The following ADAM7 variants were observed in gnomAD, a reference collection of about 807,000 sequenced individuals.
ADAM7 encodes ADAM metallopeptidase domain 7.
Under a neutral mutation model 102.9 loss-of-function variants are expected in ADAM7, and 97 were observed. The ratio of observed to expected loss-of-function variants is 0.94; its 90% CI spans 0.80 to 1.12. The LOEUF is 1.12. Among genes scored for constraint, ADAM7 ranks in the 50% most tolerant of loss-of-function variants. ADAM7 has a pLI of 0.00. For synonymous variants in ADAM7, 334 were observed against 304.4 expected (o/e 1.10, Z -1.01); for missense variants, 991 against 908.7 (o/e 1.09, Z -1.16).
chr8:24,468,949 C>T (rs1314063919), intron 7 of ADAM7, 129 bp downstream of exon 7: 25 of 803,586 alleles, frequency 3.1e-5, no homozygotes, highest in Non-Finnish European at 4.0e-5. Context: ...TTTTAGCTTC[C>T]CAAAACAGAC....
chr8:24,458,146 T>C (rs1819107260), intron 3 of ADAM7, among the ~76,000 whole-genome samples: 1 of 152,160 alleles, frequency 6.6e-6, no homozygotes, highest in Non-Finnish European at 1.5e-5. Flanking sequence ...TAATCAGAAT[T>C]GTTTATTTAT....
chr8:24,457,813 T>C (rs1047281228), intron 3 of ADAM7, among the ~76,000 whole-genome samples: 2 of 152,110 alleles, frequency 1.3e-5, no homozygotes, highest in African/African-American at 4.8e-5. Flanking sequence ...TTTTAGCTTT[T>C]AGTTTTGGTC....
chr8:24,452,916 G>GC (rs1290024098), intron 3 of ADAM7, among the ~76,000 whole-genome samples: 5 of 148,940 alleles, frequency 3.4e-5, no homozygotes, highest in Admixed American at 3.3e-4. Context: ...ATGAAGCTTA[G>GC]TTTGGCTGGA....
chr8:24,471,520 T>G (rs1819602318), intron 7 of ADAM7, among the ~76,000 whole-genome samples: 1 of 151,988 alleles, frequency 6.6e-6, no homozygotes, highest in South Asian at 2.1e-4. Flanking sequence ...TATGTTTGCA[T>G]ACACAAAAAG....
intron 16 of ADAM7, among the ~76,000 whole-genome samples, chr8:24,494,034 T>C (rs533023346): frequency 2.4e-4 from 36 of 152,274 alleles, no homozygotes; most frequent in Admixed American, 1.0e-3. Flanking sequence ...AAAGAATATA[T>C]GGAAAACACA....
At chr8:24,504,008 C>T (rs1021285274) in intron 20 of ADAM7, among the ~76,000 whole-genome samples, 2 of 150,554 alleles carry the variant, frequency 1.3e-5, no homozygotes, top group Admixed American at 1.3e-4. Flanking sequence ...ACATGTATCC[C>T]TGAACTTCAA....
intron 16 of ADAM7, among the ~76,000 whole-genome samples, chr8:24,494,408 A>T (rs965733420): frequency 3.3e-5 from 5 of 152,210 alleles, no homozygotes; most frequent in African/African-American, 1.2e-4. Flanking sequence ...GTTGAAGAAA[A>T]TACCAAAAGA....
At chr8:24,505,269 G>T (rs188842567) in intron 20 of ADAM7, among the ~76,000 whole-genome samples, 1 of 152,100 alleles carries the variant, frequency 6.6e-6, no homozygotes, top group Admixed American at 6.6e-5. Context: ...ACCATAGAGC[G>T]TAGGACATAT....
chr8:24,463,783 T>A, intron 3 of ADAM7, 99 bp from the exon 4 acceptor site: 1 of 1,002,638 alleles, frequency 1.0e-6, no homozygotes, highest in Admixed American at 2.3e-5. Flanking sequence ...CTTGCTGAGA[T>A]TTGGAAGCAA....
intron 3 of ADAM7, among the ~76,000 whole-genome samples, chr8:24,448,759 T>C (rs180981841): frequency 3.1e-4 from 47 of 152,118 alleles, no homozygotes; most frequent in African/African-American, 1.0e-3. Flanking sequence ...GCTGCACCCA[T>C]TAACTCGTCA....
In ADAM7 at chr8:24,492,060, C is replaced by A. The variant is rs188393689; in HGVS notation, c.1514C>A (p.Pro505Gln). The change falls in exon 14 of 22, where the codon CCA (proline) becomes CAA (glutamine). Residue 505 changes from proline (P) to glutamine (Q), a missense_variant. Coordinates refer to ENST00000175238, the MANE Select transcript of ADAM7 (RefSeq NM_003817.4). ...GGCTACTGTTTCATGGGGAAATGTC[C>A]AACTCGTGAGGATCAGTGCTCTGAA... ...SEGYCFMGKCPTREDQCSELF... is the reference protein window; with the variant it reads ...SEGYCFMGKCQTREDQCSELF... 6.2e-7 allele frequency: 1 copy of A among 1,613,778 alleles called. No homozygotes were observed. The highest frequency in any genetic ancestry group is 1.3e-5 in the African/African-American group (1 of 75,006).
At chr8:24,480,480 C>A (rs1819911940) in intron 8 of ADAM7, among the ~76,000 whole-genome samples, 1 of 152,096 alleles carries the variant, frequency 6.6e-6, no homozygotes, top group Non-Finnish European at 1.5e-5. Context: ...TGTTTCCCTA[C>A]TATAAAGAGC....
chr8:24,453,474 G>C (rs528590426), intron 3 of ADAM7, among the ~76,000 whole-genome samples: 6 of 152,140 alleles, frequency 3.9e-5, no homozygotes, highest in South Asian at 2.1e-4. Context: ...TCTTCACGTA[G>C]TTCTCGAGCC....
rs913406006 is a variant in ADAM7 at position 24,463,874 on chromosome 8, T to C, written c.234-8T>C. On this transcript the variant is annotated splice_polypyrimidine_tract_variant and splice_region_variant and intron_variant, in intron 3 of 21. Transcript: ENST00000175238. ...CAAATCTCACCACCTGTCTGCCCTC[T>C]TTTTCAGGGAGTTCCTAGGCTCAAA... The C allele has an allele frequency of 1.2e-6, 2 of 1,611,286 alleles. No individual in the cohort carries two copies. Among genetic ancestry groups the C allele is most frequent in the Middle Eastern group, 1.7e-4 (1 of 6,058 alleles).
chr8:24,468,639 A>T (rs951933275), intron 6 of ADAM7, 128 bp from the exon 7 acceptor site: 3 of 739,234 alleles, frequency 4.1e-6, no homozygotes, highest in South Asian at 1.7e-5. Flanking sequence ...ATATATTCAT[A>T]TGCCTCCCCA....
chr8:24,455,809 T>C (rs1819010951), intron 3 of ADAM7, among the ~76,000 whole-genome samples: 1 of 152,258 alleles, frequency 6.6e-6, no homozygotes, highest in Non-Finnish European at 1.5e-5. Context: ...TTTATGTATG[T>C]ATGTATGTAT....
In ADAM7 at chr8:24,442,549, T is replaced by C. The variant is rs1818410870; in HGVS notation, c.129T>C (p.Thr43=). ...TTCCTCTGATACAGAAGCGAGATAC[T>C]GGACACACCCATGATGATGACATAC... ...KKLPLIQKRD[T]GHTHDDDILK... is the part of the protein sequence containing the mutation. Residue 43 remains threonine, a synonymous_variant, in exon 2 of 22, where the codon ACT becomes ACC. Coordinates refer to ENST00000175238, the MANE Select transcript of ADAM7 (RefSeq NM_003817.4). 1.2e-6 allele frequency: 2 copies of C among 1,613,946 alleles called. No homozygotes were observed. Among genetic ancestry groups the C allele is most frequent in the East Asian group, 2.2e-5 (1 of 44,886 alleles).
chr8:24,501,166 A>T (rs1339076322), intron 19 of ADAM7, among the ~76,000 whole-genome samples: 1 of 152,160 alleles, frequency 6.6e-6, no homozygotes, highest in Non-Finnish European at 1.5e-5. Flanking sequence ...GTTATTGGGT[A>T]TGACTTGAGC....
chr8:24,463,978 A>G lies in ADAM7; in HGVS notation c.312+18A>G, dbSNP rs1563379688. 6.3e-7 allele frequency: 1 copy of G among 1,594,102 alleles called. No homozygotes were observed. The highest frequency in any genetic ancestry group is 2.2e-5 in the East Asian group (1 of 44,716). ...AGATCATGGTATCTTATGGAACTTT[A>G]CTGTGTCTCTTCTCTAAAAGCAGTA... On this transcript the variant is annotated intron_variant, in intron 4 of 21. Coordinates refer to ENST00000175238, the MANE Select transcript of ADAM7 (RefSeq NM_003817.4).
Sources: gnomAD v4.1 joint callset for allele counts (sites outside exome capture counted in the v4.1 genomes callset) on GRCh38, gnomAD v4.1.1 for gene constraint, MANE v1.5 for transcripts, NCBI Gene and HGNC (gene_info 2026-07-23, HGNC 2026-07-21) for gene names.